ADAMTSL3: variants seen among roughly 807,000 people sequenced by gnomAD.
ADAMTSL3 encodes ADAMTS like 3, also known as ADAMTS-like protein 3.
Under a neutral mutation model 201.7 loss-of-function variants are expected in ADAMTSL3, and 128 were observed. The observed-to-expected ratio is 0.63, with a 90% CI of 0.55 to 0.73. ADAMTSL3 has a LOEUF of 0.73. Ranked by LOEUF, ADAMTSL3 falls within the 30% of genes least tolerant of loss-of-function variation. The pLI is 0.00. For missense variants in ADAMTSL3, 1,990 were observed against 2,119.6 expected (o/e 0.94, Z 1.20); for synonymous variants, 738 against 748.4 (o/e 0.99, Z 0.23).
At chr15:83,809,990 C>T (rs893465064) in intron 5 of ADAMTSL3, among the ~76,000 whole-genome samples, 7 of 152,014 alleles carry the variant, frequency 4.6e-5, no homozygotes, top group Non-Finnish European at 8.8e-5. Flanking sequence ...AGCTGGCAGT[C>T]TTTAGCAACA....
At chr15:83,675,300 C>T (rs1033839118) in intron 2 of ADAMTSL3, among the ~76,000 whole-genome samples, 1 of 152,018 alleles carries the variant, frequency 6.6e-6, no homozygotes, top group Admixed American at 6.5e-5. Context: ...TGGGTAAGGT[C>T]CATGGAAGAA....
chr15:83,985,549 G>A (rs533342908), intron 21 of ADAMTSL3, among the ~76,000 whole-genome samples: 8 of 152,222 alleles, frequency 5.3e-5, no homozygotes, highest in South Asian at 2.1e-4. Context: ...CCATTGTGTC[G>A]TATGGGATAT....
chr15:83,780,802 T>C (rs2063156203), intron 4 of ADAMTSL3, among the ~76,000 whole-genome samples: 1 of 152,208 alleles, frequency 6.6e-6, no homozygotes, highest in Non-Finnish European at 1.5e-5. Flanking sequence ...TTAACATTCT[T>C]ATACACCAAC....
At chr15:83,926,655 C>T (rs1483496395) in intron 17 of ADAMTSL3, among the ~76,000 whole-genome samples, 2 of 151,366 alleles carry the variant, frequency 1.3e-5, no homozygotes, top group Non-Finnish European at 1.5e-5. Flanking sequence ...CTCTTGTTGC[C>T]CAGGCTGGAG....
intron 9 of ADAMTSL3, 40 bp downstream of exon 9, chr15:83,870,999 C>G: frequency 6.3e-7 from 1 of 1,590,064 alleles, no homozygotes; most frequent in Non-Finnish European, 8.5e-7. Context: ...TACCTGAATC[C>G]CAGAACATCT....
rs1596514838 is a variant in ADAMTSL3 at position 83,996,350 on chromosome 15, A to T, written c.3973+5136A>T. On this transcript the variant is annotated intron_variant, in intron 23 of 29. Coordinates refer to ENST00000286744, the MANE Select transcript of ADAMTSL3 (RefSeq NM_207517.3). ...AACATTGACACACTTTGCTGTTAAG[A>T]TATAAAAGTTCTGATCCCTGAAAGA... is the stretch of plus-strand genomic sequence containing the variant. Among the ~76,000 whole-genome samples the T allele has an allele frequency of 2.6e-5, 4 of 152,326 alleles. No homozygotes were observed. The South Asian group carries it at 8.3e-4, about 32-fold the overall frequency.
intron 19 of ADAMTSL3, chr15:83,962,613 T>G (rs1015790545): frequency 6.6e-6 from 1 of 152,264 alleles, no homozygotes; most frequent in Non-Finnish European, 1.5e-5. Flanking sequence ...ACTATTCATG[T>G]TACTCTATAT....
chr15:84,006,700 C>T (rs529858976), intron 23 of ADAMTSL3, among the ~76,000 whole-genome samples: 2 of 152,306 alleles, frequency 1.3e-5, no homozygotes, highest in South Asian at 4.1e-4. Context: ...TAAACTATTT[C>T]TGACGTTTTA....
At chr15:83,822,131 C>A (rs540289459) in intron 6 of ADAMTSL3, among the ~76,000 whole-genome samples, 1 of 146,888 alleles carries the variant, frequency 6.8e-6, no homozygotes, top group South Asian at 2.2e-4. Context: ...GGGGGGCTGA[C>A]CCCCCCACCT....
Position 83,982,507 on chromosome 15 carries a change from G to A in ADAMTSL3, c.2879G>A (p.Gly960Asp). ...TGCCTGCAGAACTCCAAACGGCTTG[G>A]CATCACCAAGTCAGGCTCACTAAAA... ...GRCLQNSKRL[G>D]ITKSGSLKIH... Residue 960 changes from glycine (G) to aspartate (D), a missense_variant, in exon 21 of 30, where the codon GGC becomes GAC. Gly to Asp is a moderately conservative substitution (Grantham distance 94). Coordinates refer to ENST00000286744, the MANE Select transcript of ADAMTSL3 (RefSeq NM_207517.3). 1 of 1,614,194 alleles carries A rather than the reference G, an allele frequency of 6.2e-7. No homozygotes were observed. The highest frequency in any genetic ancestry group is 8.5e-7 in the Non-Finnish European group (1 of 1,180,032).
In ADAMTSL3 at chr15:83,694,594, G is replaced by A. The variant is rs575371708; in HGVS notation, c.70-9795G>A. Among the ~76,000 whole-genome samples, 14 of 152,262 alleles carry A rather than the reference G, an allele frequency of 9.2e-5. No individual in the cohort carries two copies. The South Asian group carries it at 2.9e-3, about 32-fold the overall frequency. The stretch of plus-strand genomic sequence containing the variant: ...TCTTAAGTAAAATTTTTGGGGGGCG[G>A]GCTCTAGGGAAAGAGGATCTGCATT... On this transcript the variant is annotated intron_variant, in intron 2 of 29. Transcript: ENST00000286744.
chr15:83,901,617 G>A (rs2065724830), intron 15 of ADAMTSL3, among the ~76,000 whole-genome samples: 1 of 152,200 alleles, frequency 6.6e-6, no homozygotes, highest in Non-Finnish European at 1.5e-5. Context: ...CAAGCTGATG[G>A]AAAAGTGTAT....
chr15:83,836,554 A>G (rs775186947), intron 6 of ADAMTSL3, among the ~76,000 whole-genome samples: 4 of 152,216 alleles, frequency 2.6e-5, no homozygotes, highest in Non-Finnish European at 4.4e-5. Flanking sequence ...CAGCTTGGAT[A>G]TAGAGTCTGA....
At chr15:83,967,041 A>G (rs1403344696) in intron 19 of ADAMTSL3, among the ~76,000 whole-genome samples, 3 of 152,226 alleles carry the variant, frequency 2.0e-5, no homozygotes, top group Non-Finnish European at 2.9e-5. Context: ...TCAAAATAAT[A>G]AGAGCTATTT....
At chr15:83,818,701 A>G (rs987689254) in intron 5 of ADAMTSL3, among the ~76,000 whole-genome samples, 1 of 152,188 alleles carries the variant, frequency 6.6e-6, no homozygotes, top group Non-Finnish European at 1.5e-5. Context: ...TGATGAGTAA[A>G]GTAATACTTT....
chr15:83,809,448 C>G (rs2063657270), intron 5 of ADAMTSL3, among the ~76,000 whole-genome samples: 1 of 152,180 alleles, frequency 6.6e-6, no homozygotes, highest in Admixed American at 6.5e-5. Flanking sequence ...ATCCTGTCTG[C>G]AAACATTCAG....
chr15:83,912,017 A>AT (rs2065943787), intron 15 of ADAMTSL3, among the ~76,000 whole-genome samples: 1 of 152,222 alleles, frequency 6.6e-6, no homozygotes, highest in Non-Finnish European at 1.5e-5. Context: ...TCTGTTGAAC[A>AT]TTATCGAGCC....
At chr15:83,794,058 G>A (rs11853983) in intron 4 of ADAMTSL3, among the ~76,000 whole-genome samples, 113,700 of 152,118 alleles carry the variant, frequency 0.75, 43,007 homozygotes, top group East Asian at 0.98. Flanking sequence ...GCACACAAAA[G>A]TATGTTCAAC....
In ADAMTSL3 at chr15:83,912,834, T is replaced by C. The variant is rs539831115; in HGVS notation, c.1701-258T>C. Among the ~76,000 whole-genome samples, 9 of 152,352 alleles carry C rather than the reference T, an allele frequency of 5.9e-5. No homozygotes were observed. The East Asian group carries it at 1.7e-3, about 29-fold the overall frequency. On this transcript the variant is annotated intron_variant, in intron 15 of 29. Transcript: ENST00000286744. ...AACCTTTATAATTTTGCAAAGGCCATAGCACAGATTCGAATTATGAAATGG... is the reference window on the plus strand; with the variant it reads ...AACCTTTATAATTTTGCAAAGGCCACAGCACAGATTCGAATTATGAAATGG...
Sources: gnomAD v4.1 joint callset for allele counts (sites outside exome capture counted in the v4.1 genomes callset) on GRCh38, gnomAD v4.1.1 for gene constraint, MANE v1.5 for transcripts, NCBI Gene and HGNC (gene_info 2026-07-23, HGNC 2026-07-21) for gene names.